The following CDT1 variants were observed in gnomAD, a reference collection of about 807,000 sequenced individuals.
CDT1 encodes the protein DNA replication factor Cdt1.
In CDT1, 66 loss-of-function variants were observed where a neutral mutation model predicts 49.3. The ratio of observed to expected loss-of-function variants is 1.34; its 90% CI spans 1.10 to 1.64. The LOEUF is 1.64. Among genes scored for constraint, CDT1 ranks in the 40% most tolerant of loss-of-function variants. The pLI, the probability that CDT1 is intolerant of heterozygous loss-of-function variation, is 0.00. For missense variants in CDT1, 958 were observed against 807.7 expected (o/e 1.19, Z -2.26); for synonymous variants, 424 against 347.4 (o/e 1.22, Z -2.45).
rs113599906 is a variant in CDT1 at position 88,808,978 on chromosome 16, T to C, written c.*700T>C. On this transcript the variant is annotated 3_prime_UTR_variant, in exon 10 of 10. Transcript: ENST00000301019. Reference sequence around the variant, plus strand: ...ACCACTGCACGCACTCCAGCCTGGGTGACAGAGCGAGACTCCGTCTCAAAA... The same window carrying C: ...ACCACTGCACGCACTCCAGCCTGGGCGACAGAGCGAGACTCCGTCTCAAAA... The C allele has an allele frequency of 0.041, 6,904 of 168,172 alleles. 218 individuals carry two copies. The highest frequency in any genetic ancestry group is 0.15 in the Middle Eastern group (49 of 334). 10.4% of individuals were successfully genotyped at this position (168,172 alleles called of 1,614,324 possible).
Position 88,807,983 on chromosome 16 carries a change from C to T in CDT1, c.1478-132C>T. ...GCCTCTGATCAGAACCACCTCTGCC[C>T]TAAGTCCTGGTGATGGGGCCCTGAG... On this transcript the variant is annotated intron_variant, in intron 9 of 9. Transcript: ENST00000301019. 7.0e-5 allele frequency: 69 copies of T among 988,156 alleles called. No homozygotes were observed. In the South Asian group the frequency reaches 9.3e-4, roughly 13 times the overall value. 61.2% of individuals were successfully genotyped at this position (988,156 alleles called of 1,614,324 possible). A position where few individuals can be genotyped will look rare whatever the true frequency, so the allele number is the denominator to read the frequency against.
rs748777018 is a variant in CDT1, at chr16:88,808,203, G to C, written c.1566G>C (p.Lys522Asn). ...LHRIRTDTYV[K>N]LDKAADLAHI... ...GCATCCGCACCGACACCTACGTCAAGCTGGACAAGGCCGCGGACCTCGCCC... is the reference window on the plus strand; with the variant it reads ...GCATCCGCACCGACACCTACGTCAACCTGGACAAGGCCGCGGACCTCGCCC... The change falls in exon 10 of 10, where the codon AAG becomes AAC. Residue 522 changes from lysine (K) to asparagine (N), a missense_variant. Transcript: ENST00000301019. 13 of 1,612,352 alleles carry C rather than the reference G, an allele frequency of 8.1e-6. No homozygotes were observed. Among genetic ancestry groups the C allele is most frequent in the African/African-American group, 1.3e-5 (1 of 74,950 alleles).
rs914066780 is a variant in CDT1, at chr16:88,808,883, C to T, written c.*605C>T. 1 of 160,190 alleles carries T rather than the reference C, an allele frequency of 6.2e-6. No homozygotes were observed. The allele number at this position is 160,190 out of a possible 1,614,324, so 9.9% of individuals were successfully genotyped here. ...TGGTGGTGGGCACCTGTCGTCCCAGCTACTAGGGAGGCTGAGGCAGGAGAA... is the reference window on the plus strand; with the variant it reads ...TGGTGGTGGGCACCTGTCGTCCCAGTTACTAGGGAGGCTGAGGCAGGAGAA... On this transcript the variant is annotated 3_prime_UTR_variant, in exon 10 of 10. Coordinates refer to ENST00000301019, the MANE Select transcript of CDT1 (RefSeq NM_030928.4).
Position 88,808,110 on chromosome 16 carries a change from C to G in CDT1, c.1478-5C>G. On this transcript the variant is annotated splice_region_variant and splice_polypyrimidine_tract_variant and intron_variant, in intron 9 of 9. Transcript: ENST00000301019. ...CAGCCTCAGTGTCCTCCTCTCCTCC[C>G]CCAGGGGAAATGGAGAAGCACCTGC... 3 of 1,612,080 alleles carry G rather than the reference C, an allele frequency of 1.9e-6. No homozygotes were observed. Among genetic ancestry groups the G allele is most frequent in the South Asian group, 1.1e-5 (1 of 90,822 alleles).
In CDT1 at chr16:88,809,228, A is replaced by AACTC; in HGVS notation, c.*951_*954dup. 1 of 350,312 alleles carries AACTC rather than the reference A, an allele frequency of 2.9e-6. No homozygotes were observed. Among genetic ancestry groups the AACTC allele is most frequent in the South Asian group, 2.1e-5 (1 of 46,906 alleles). The allele number at this position is 350,312 out of a possible 1,614,324, so 21.7% of individuals were successfully genotyped here. On this transcript the variant is annotated 3_prime_UTR_variant, in exon 10 of 10. Transcript: ENST00000301019. The stretch of plus-strand genomic sequence containing the variant: ...TGACTTCAGTATTTCTGACCTCCTA[A>AACTC]ACTCTAATAAAGTCATGCTTACAGC...
chr16:88,807,597 C>A, intron 9 of CDT1, 115 bp downstream of exon 9: 1 of 1,063,510 alleles, frequency 9.4e-7, no homozygotes, highest in Non-Finnish European at 1.4e-6. Flanking sequence ...TTCAGATGTG[C>A]AGTGGGCGCT....
At position 88,808,106 on chromosome 16, in the gene CDT1, C is replaced by T. The variant is rs750727539; in HGVS notation, c.1478-9C>T. ...GCACCAGCCTCAGTGTCCTCCTCTC[C>T]TCCCCCAGGGGAAATGGAGAAGCAC... On this transcript the variant is annotated splice_polypyrimidine_tract_variant and intron_variant, in intron 9 of 9. Coordinates refer to ENST00000301019, the MANE Select transcript of CDT1 (RefSeq NM_030928.4). 5.0e-6 allele frequency: 8 copies of T among 1,611,802 alleles called. No homozygotes were observed. The highest frequency in any genetic ancestry group is 3.3e-5 in the Admixed American group (2 of 59,860).
At chr16:88,807,014 C>T (rs78977560) in intron 7 of CDT1, 37 bp from the exon 8 acceptor site, 1 of 1,612,628 alleles carries the variant, frequency 6.2e-7, no homozygotes, top group African/African-American at 1.3e-5. Context: ...CACGTTGCAT[C>T]TTGTGACCTC....
chr16:88,804,850 C>A lies in CDT1; in HGVS notation c.440C>A (p.Ala147Asp). The A allele has an allele frequency of 6.2e-7, 1 of 1,609,580 alleles. No homozygotes were observed. Among genetic ancestry groups the A allele is most frequent in the Non-Finnish European group, 8.5e-7 (1 of 1,178,832 alleles). Residue 147 changes from alanine to aspartate, a missense_variant, in exon 3 of 10, where the codon GCT becomes GAT. Transcript: ENST00000301019. Reference sequence around the variant, plus strand: ...GCGCTGAAGGCCAGTGCCCAGGATGCTGGGGAGTCCTGCACCCCAGAGGCC... The same window carrying A: ...GCGCTGAAGGCCAGTGCCCAGGATGATGGGGAGTCCTGCACCCCAGAGGCC... Reference protein sequence around the residue: ...VRALKASAQDAGESCTPEAEG... With the variant: ...VRALKASAQDDGESCTPEAEG...
At position 88,806,028 on chromosome 16, in the gene CDT1, C is replaced by T. The variant is rs374475660; in HGVS notation, c.840C>T (p.Asp280=). 7.3e-5 allele frequency: 116 copies of T among 1,591,064 alleles called. No homozygotes were observed. Among genetic ancestry groups the T allele is most frequent in the South Asian group, 1.1e-4 (10 of 88,774 alleles). ...CCTGGACTCGTCCCACAGAGGCTGA[C>T]GGAGCAGCCCCCCAGCTCACGGCCT... ...TIEPLLEQEA[D]GAAPQLTASR... The change falls in exon 6 of 10, where the codon GAC becomes GAT. Residue 280 remains aspartate, a synonymous_variant. Coordinates refer to ENST00000301019, the MANE Select transcript of CDT1 (RefSeq NM_030928.4).
At chr16:88,804,322 C>T (rs1175875426) in intron 1 of CDT1, among the ~76,000 whole-genome samples, 1 of 152,080 alleles carries the variant, frequency 6.6e-6, no homozygotes, top group Non-Finnish European at 1.5e-5. Context: ...TCCAGCTTCT[C>T]TGCGAGGCCA....
chr16:88,806,986 T>G (rs1221900768), intron 7 of CDT1, 65 bp from the exon 8 acceptor site: 1 of 1,603,726 alleles, frequency 6.2e-7, no homozygotes, highest in East Asian at 2.2e-5. Context: ...CGGGGACTCC[T>G]GGGCAGACAG....
At chr16:88,804,734 G>T (rs115503867) in intron 2 of CDT1, 28 bp from the exon 3 acceptor site, 79 of 1,612,628 alleles carry the variant, frequency 4.9e-5, no homozygotes, top group Non-Finnish European at 6.5e-5. Context: ...CCTGCCTGAC[G>T]GCACCGTGTC....
chr16:88,806,774 T>C, intron 7 of CDT1, 100 bp downstream of exon 7: 1 of 1,427,534 alleles, frequency 7.0e-7, no homozygotes, highest in East Asian at 2.5e-5. Context: ...GCTTGACGCC[T>C]CATCTGGCTT....
In CDT1 at chr16:88,803,796, CCTT is replaced by C; in HGVS notation, c.-32_-30del. On this transcript the variant is annotated 5_prime_UTR_variant, in exon 1 of 10. Transcript: ENST00000301019. ...AACCGCGCCCGCCTCTTCCTCCCTT[CCTT>C]CTTTCCTTGCTTTCGCCGCGCACTC... The C allele has an allele frequency of 6.7e-7, 1 of 1,481,994 alleles. No homozygotes were observed. The allele number at this position is 1,481,994 out of a possible 1,614,324, so 91.8% of individuals were successfully genotyped here.
In CDT1 at chr16:88,808,287, G is replaced by T; in HGVS notation, c.*9G>T. On this transcript the variant is annotated 3_prime_UTR_variant, in exon 10 of 10. Coordinates refer to ENST00000301019, the MANE Select transcript of CDT1 (RefSeq NM_030928.4). ...CTGAGGAGGGGCTGTGAGCCTGGGG[G>T]CCACTGTGGACAGACGTGGGCTTCA... The T allele has an allele frequency of 6.3e-7, 1 of 1,577,644 alleles. No individual in the cohort carries two copies. Among genetic ancestry groups the T allele is most frequent in the Non-Finnish European group, 8.6e-7 (1 of 1,162,138 alleles).
chr16:88,806,002 G>A lies in CDT1; in HGVS notation c.833-19G>A, dbSNP rs757367489. On this transcript the variant is annotated intron_variant, in intron 5 of 9. Coordinates refer to ENST00000301019, the MANE Select transcript of CDT1 (RefSeq NM_030928.4). Reference sequence around the variant, plus strand: ...GCTGGGTGGCCTGGTGGGGACTTAGGCCTGGACTCGTCCCACAGAGGCTGA... The same window carrying A: ...GCTGGGTGGCCTGGTGGGGACTTAGACCTGGACTCGTCCCACAGAGGCTGA... 6.3e-7 allele frequency: 1 copy of A among 1,581,960 alleles called. No homozygotes were observed. Among genetic ancestry groups the A allele is most frequent in the East Asian group, 2.3e-5 (1 of 43,486 alleles).
Position 88,806,473 on chromosome 16 carries a change from T to C in CDT1, c.934-13T>C. ...GATGTGCCCAGGGTCACCCATCTAC[T>C]CCTTCTCCCCAGGCCTTCCTGGCCT... On this transcript the variant is annotated splice_polypyrimidine_tract_variant and intron_variant, in intron 6 of 9. Coordinates refer to ENST00000301019, the MANE Select transcript of CDT1 (RefSeq NM_030928.4). The C allele has an allele frequency of 6.2e-7, 1 of 1,609,700 alleles. No individual in the cohort carries two copies. Among genetic ancestry groups the C allele is most frequent in the Non-Finnish European group, 8.5e-7 (1 of 1,178,904 alleles).
At chr16:88,807,944 C>G (rs1908929383) in intron 9 of CDT1, among the ~76,000 whole-genome samples, 171 bp from the exon 10 acceptor site, 2 of 152,248 alleles carry the variant, frequency 1.3e-5, no homozygotes, top group East Asian at 3.9e-4. Context: ...ACTGTTCACA[C>G]CACCCAGACC....
Sources: allele counts gnomAD v4.1 joint callset (sites outside exome capture counted in the v4.1 genomes callset), GRCh38; gene constraint gnomAD v4.1.1; transcripts MANE v1.5; gene names NCBI Gene and HGNC (gene_info 2026-07-23, HGNC 2026-07-21).